The following PWWP2A variants were observed in gnomAD, a reference collection of about 807,000 sequenced individuals.
PWWP2A encodes the protein PWWP domain containing 2A, also known as PWWP domain-containing protein 2A.
Under a neutral mutation model 48.5 loss-of-function variants are expected in PWWP2A, and 18 were observed. The ratio of observed to expected loss-of-function variants is 0.37; its 90% CI spans 0.26 to 0.55. The LOEUF (loss-of-function observed/expected upper bound fraction) is 0.55, where lower values mean the gene tolerates loss of function less well. Among genes scored for constraint, PWWP2A ranks in the 20% least tolerant of loss-of-function variants. PWWP2A has a pLI of 0.81. For synonymous variants in PWWP2A, 396 were observed against 387.7 expected, an observed-to-expected ratio of 1.02 and a Z score of -0.25; for missense variants, 867 against 976.4, an observed-to-expected ratio of 0.89 and a Z score of 1.49.
At chr5:160,072,268 G>A (rs1408229241), downstream of PWWP2A, among the ~76,000 whole-genome samples, 1 of 152,104 alleles carries the variant, frequency 6.6e-6, no homozygotes, top group Non-Finnish European at 1.5e-5. Flanking sequence ...ATTGATTACT[G>A]TGCTTGCTTC....
intron 1 of PWWP2A, chr5:160,108,725 C>G (rs892010706): frequency 2.1e-6 from 1 of 484,116 alleles, no homozygotes; most frequent in African/African-American, 2.0e-5. Flanking sequence ...CTAAGGAAAT[C>G]ATCAATTATT....
intron 1 of PWWP2A, chr5:160,108,562 T>A (rs775370276): frequency 6.2e-6 from 8 of 1,286,762 alleles, no homozygotes; most frequent in Non-Finnish European, 8.1e-6. Context: ...CCAGAATGGC[T>A]GTATATTTTT....
At position 160,119,326 on chromosome 5, in the gene PWWP2A, G is replaced by A. The variant is rs944742108; in HGVS notation, c.63C>T (p.Gly21=). The A allele has an allele frequency of 7.2e-7, 1 of 1,388,194 alleles. No individual in the cohort carries two copies. Among genetic ancestry groups the A allele is most frequent in the Non-Finnish European group, 9.3e-7 (1 of 1,077,798 alleles). 86.0% of individuals were successfully genotyped at this position (1,388,194 alleles called of 1,614,324 possible). A position where few individuals can be genotyped will look rare whatever the true frequency, so the allele number is the denominator to read the frequency against. ...TGGGCTCCATCTCCGGCTCGGCCTC[G>A]CCGGCGCCCCCCTCCCCGGGGGACG... ...TAASPGEGGA[G]EAEPEMEPIP... Residue 21 remains glycine (G), a synonymous_variant, in exon 1 of 2, where the codon GGC becomes GGT. Transcript: ENST00000307063.
Position 160,091,873 on chromosome 5 carries a change from T to C in PWWP2A, c.*509A>G. On this transcript the variant is annotated 3_prime_UTR_variant, in exon 2 of 2. Transcript: ENST00000307063. The stretch of plus-strand genomic sequence containing the variant: ...CATTATTTAAAAAACAAGTAGTCAT[T>C]AAATATCCACTATTCCCCCAGCTCA... 1 of 984,808 alleles carries C rather than the reference T, an allele frequency of 1.0e-6. No individual in the cohort carries two copies. The highest frequency in any genetic ancestry group is 1.2e-6 in the Non-Finnish European group (1 of 829,624). The allele number at this position is 984,808 out of a possible 1,614,324, so 61.0% of individuals were successfully genotyped here.
intron 5 of PWWP2A, among the ~76,000 whole-genome samples, chr5:160,062,456 G>A (rs148494300): frequency 1.2e-4 from 19 of 152,274 alleles, no homozygotes; most frequent in African/African-American, 4.1e-4. Flanking sequence ...AGCACCTCTG[G>A]GCACACCTCC....
chr5:160,104,447 CAGAG>C (rs1475207672), intron 1 of PWWP2A, among the ~76,000 whole-genome samples: 5 of 151,606 alleles, frequency 3.3e-5, no homozygotes, highest in Admixed American at 6.6e-5. Flanking sequence ...AAAAAAAGGA[CAGAG>C]AGAGAGGCTA....
chr5:160,060,560 T>C (rs752745965), downstream of PWWP2A, among the ~76,000 whole-genome samples: 88 of 152,176 alleles, frequency 5.8e-4, no homozygotes, highest in Non-Finnish European at 1.1e-3. Context: ...CCTCATTGAT[T>C]ACTGTCCAGA....
At chr5:160,094,748 T>A (rs1372929664) in intron 1 of PWWP2A, among the ~76,000 whole-genome samples, 2 of 151,984 alleles carry the variant, frequency 1.3e-5, no homozygotes, top group South Asian at 2.1e-4. Context: ...TGCAATCCAA[T>A]AAAAACACTT....
intron 1 of PWWP2A, among the ~76,000 whole-genome samples, chr5:160,095,442 C>T (rs1755534770): frequency 6.6e-6 from 1 of 152,108 alleles, no homozygotes. Flanking sequence ...AATCAAATCA[C>T]ACTACCAAAT....
intron 1 of PWWP2A, among the ~76,000 whole-genome samples, chr5:160,117,376 C>G (rs918543011): frequency 1.1e-4 from 17 of 152,188 alleles, no homozygotes; most frequent in African/African-American, 4.1e-4. Flanking sequence ...TACTTGAGGC[C>G]GGGCACGGCG....
At chr5:160,065,928 A>G (rs1440382669) in intron 4 of PWWP2A, among the ~76,000 whole-genome samples, 1 of 152,210 alleles carries the variant, frequency 6.6e-6, no homozygotes, top group Non-Finnish European at 1.5e-5. Flanking sequence ...TTTTGTGCTC[A>G]TCAGTTGATG....
chr5:160,053,463 C>T, the PWWP2A span, among the ~76,000 whole-genome samples: 119 of 152,176 alleles, frequency 7.8e-4, 1 homozygote, highest in Admixed American at 7.5e-3. Flanking sequence ...ACTTAGGAGG[C>T]TGCTGTGGGA....
rs532442973 is a variant in PWWP2A, at chr5:160,069,283, A to G, written c.*80-2412T>C. Among the ~76,000 whole-genome samples, 235 of 152,018 alleles carry G rather than the reference A, an allele frequency of 1.5e-3. 3 individuals are homozygous for G. Among genetic ancestry groups the G allele is most frequent in the African/African-American group, 5.5e-3 (227 of 41,438 alleles). On this transcript the variant is annotated intron_variant and NMD_transcript_variant, in intron 2 of 5. Coordinates refer to the PWWP2A transcript ENST00000524050. ...CTGGGTGACAAAGTGAAACCAACCT[A>G]TCTAAAAAAAAAAAGGCTTACTTGC...
downstream of PWWP2A, among the ~76,000 whole-genome samples, chr5:160,074,944 T>TA (rs1471860181): frequency 2.1e-5 from 2 of 97,442 alleles, no homozygotes; most frequent in African/African-American, 7.2e-5. Flanking sequence ...ATTATTTAAA[T>TA]TAAAAAAAAA....
chr5:160,087,773 A>G (rs1037964490), downstream of PWWP2A, among the ~76,000 whole-genome samples: 1 of 152,204 alleles, frequency 6.6e-6, no homozygotes, highest in Admixed American at 6.5e-5. Flanking sequence ...TAACAAGGAG[A>G]AAGTGATTTC....
chr5:160,051,828 C>A, the PWWP2A span, among the ~76,000 whole-genome samples: 3 of 152,202 alleles, frequency 2.0e-5, no homozygotes, highest in Admixed American at 2.0e-4. Flanking sequence ...CCACATGTAA[C>A]CTGTCTGATA....
At position 160,118,894 on chromosome 5, in the gene PWWP2A, C is replaced by T. The variant is rs1446555916; in HGVS notation, c.495G>A (p.Thr165=). ...GCGCGTCCTCAATGATGTGGTCCAGCGTGACCCGCACCTCCGAGCCCGGGA... is the reference window on the plus strand; with the variant it reads ...GCGCGTCCTCAATGATGTGGTCCAGTGTGACCCGCACCTCCGAGCCCGGGA... ...QLIPGSEVRV[T]LDHIIEDALV... is the part of the protein sequence containing the mutation. The change falls in exon 1 of 2, where the codon ACG becomes ACA. Residue 165 remains threonine, a synonymous_variant. Transcript: ENST00000307063. The T allele has an allele frequency of 4.4e-6, 7 of 1,601,804 alleles. No individual in the cohort carries two copies. The highest frequency in any genetic ancestry group is 5.1e-6 in the Non-Finnish European group (6 of 1,175,112).
At chr5:160,090,205 A>G (rs887168420), downstream of PWWP2A, 4 of 985,152 alleles carry the variant, frequency 4.1e-6, no homozygotes, top group African/African-American at 7.0e-5. Context: ...TGGCTTCTGA[A>G]ACAAATCCAA....
At chr5:160,114,259 G>A (rs572107897) in intron 1 of PWWP2A, among the ~76,000 whole-genome samples, 290 of 152,198 alleles carry the variant, frequency 1.9e-3, no homozygotes, top group African/African-American at 6.4e-3. Flanking sequence ...GACCTGGCGC[G>A]GTGGCTCATG....
Sources: gnomAD v4.1 joint callset for allele counts (sites outside exome capture counted in the v4.1 genomes callset) on GRCh38, gnomAD v4.1.1 for gene constraint, MANE v1.5 for transcripts, NCBI Gene and HGNC (gene_info 2026-07-23, HGNC 2026-07-21) for gene names.